The following GRAMD1B variants were observed in gnomAD, a reference collection of about 807,000 sequenced individuals.
The protein encoded by GRAMD1B is protein Aster-B.
Under a neutral mutation model 99.7 loss-of-function variants are expected in GRAMD1B, and 37 were observed. The observed-to-expected ratio is 0.37, with a 90% CI of 0.29 to 0.49. GRAMD1B has a LOEUF of 0.49. Ranked by LOEUF, GRAMD1B falls within the 20% of genes least tolerant of loss-of-function variation. GRAMD1B has a pLI of 0.98. For synonymous variants in GRAMD1B, 427 were observed against 387.6 expected, an observed-to-expected ratio of 1.10 and a Z score of -1.19; for missense variants, 888 against 1,009.2, an observed-to-expected ratio of 0.88 and a Z score of 1.63.
At chr11:123,390,530 A>G (rs747549087) in intron 1 of GRAMD1B, among the ~76,000 whole-genome samples, 4 of 152,232 alleles carry the variant, frequency 2.6e-5, no homozygotes, top group African/African-American at 9.6e-5. Flanking sequence ...ATGAATTTTC[A>G]CTACTGTTAT....
At chr11:123,398,627 G>A (rs181629236) in intron 1 of GRAMD1B, among the ~76,000 whole-genome samples, 2 of 152,240 alleles carry the variant, frequency 1.3e-5, no homozygotes, top group Middle Eastern at 3.4e-3. Flanking sequence ...ATTTTAATAG[G>A]TGTGTAGTGG....
At chr11:123,618,228 T>G in intron 17 of GRAMD1B, 1 of 809,704 alleles carries the variant, frequency 1.2e-6, no homozygotes, top group Non-Finnish European at 2.1e-6. Context: ...CTAGTATTTT[T>G]TTCTCATATA....
intron 7 of GRAMD1B, among the ~76,000 whole-genome samples, chr11:123,596,280 C>T (rs1264676284): frequency 6.6e-6 from 1 of 152,200 alleles, no homozygotes; most frequent in African/African-American, 2.4e-5. Context: ...AGTCCATCGA[C>T]AGTAAGCGTG....
intron 2 of GRAMD1B, among the ~76,000 whole-genome samples, chr11:123,551,551 A>G (rs1048458577): frequency 6.6e-6 from 1 of 152,216 alleles, no homozygotes; most frequent in African/African-American, 2.4e-5. Flanking sequence ...GGGGCAGACC[A>G]TGTCCAAAAC....
chr11:123,374,772 C>T (rs1193096414), intron 1 of GRAMD1B, among the ~76,000 whole-genome samples: 1 of 152,148 alleles, frequency 6.6e-6, no homozygotes, highest in Non-Finnish European at 1.5e-5. Flanking sequence ...GAGAAGCAAT[C>T]CTAGGAATGA....
chr11:123,578,337 T>C (rs1469334087), intron 3 of GRAMD1B: 4 of 1,290,376 alleles, frequency 3.1e-6, no homozygotes, highest in African/African-American at 2.9e-5. Flanking sequence ...AATTTGTCTT[T>C]TGATTTCTTG....
At chr11:123,586,254 A>G (rs1381727740) in intron 4 of GRAMD1B, among the ~76,000 whole-genome samples, 4 of 152,042 alleles carry the variant, frequency 2.6e-5, no homozygotes, top group African/African-American at 9.7e-5. Context: ...CTGCTTTCTG[A>G]TGGTTCCACC....
At chr11:123,452,587 G>C (rs184119085) in intron 1 of GRAMD1B, among the ~76,000 whole-genome samples, 1 of 152,056 alleles carries the variant, frequency 6.6e-6, no homozygotes, top group South Asian at 2.1e-4. Context: ...TGGAGGTTGC[G>C]GTGAGCCAAG....
chr11:123,578,219 G>T (rs982527303), intron 3 of GRAMD1B, among the ~76,000 whole-genome samples: 2 of 152,132 alleles, frequency 1.3e-5, no homozygotes, highest in African/African-American at 4.8e-5. Flanking sequence ...AGCAGGAGAT[G>T]TCTTTGCCCA....
rs556431659 is a variant in GRAMD1B, at chr11:123,468,211, G to C, written c.375-12605G>C. 3.8e-4 allele frequency among the ~76,000 whole-genome samples: 58 copies of C among 152,168 alleles called. 1 individual carries two copies. The highest frequency in any genetic ancestry group is 7.1e-4 in the Non-Finnish European group (48 of 68,018). ...TCAAAAAGTATGCACAAGGAAGGAA[G>C]GTGCAATCTGTGCTGATTTGAGAGT... is the stretch of plus-strand genomic sequence containing the variant. On this transcript the variant is annotated intron_variant, in intron 1 of 19. Coordinates refer to ENST00000635736, the MANE Select transcript of GRAMD1B (RefSeq NM_001387025.1).
intron 2 of GRAMD1B, among the ~76,000 whole-genome samples, chr11:123,526,442 T>C (rs1316004871): frequency 6.6e-6 from 1 of 152,166 alleles, no homozygotes; most frequent in Non-Finnish European, 1.5e-5. Flanking sequence ...GCTAAAACGT[T>C]CTCCAACTTC....
intron 2 of GRAMD1B, among the ~76,000 whole-genome samples, chr11:123,552,239 A>T (rs1301107007): frequency 6.6e-6 from 1 of 150,934 alleles, no homozygotes; most frequent in Non-Finnish European, 1.5e-5. Flanking sequence ...AATATCACCA[A>T]ATTTACCTAC....
intron 1 of GRAMD1B, among the ~76,000 whole-genome samples, chr11:123,376,528 A>G (rs935508076): frequency 3.9e-5 from 6 of 152,220 alleles, no homozygotes; most frequent in African/African-American, 1.4e-4. Context: ...GAATTCTGAT[A>G]CAGACAATCG....
At chr11:123,494,965 A>C (rs1939063325) in intron 2 of GRAMD1B, among the ~76,000 whole-genome samples, 1 of 152,146 alleles carries the variant, frequency 6.6e-6, no homozygotes, top group Non-Finnish European at 1.5e-5. Flanking sequence ...CTCACTGATT[A>C]ATCATGTAAG....
chr11:123,597,381 T>G (rs1451159948), intron 7 of GRAMD1B, among the ~76,000 whole-genome samples: 1 of 147,718 alleles, frequency 6.8e-6, no homozygotes, highest in African/African-American at 2.5e-5. Flanking sequence ...CACAAGCCAC[T>G]GCACCCAGCT....
intron 7 of GRAMD1B, among the ~76,000 whole-genome samples, chr11:123,596,457 T>C (rs1951284748): frequency 6.6e-6 from 1 of 152,266 alleles, no homozygotes; most frequent in Non-Finnish European, 1.5e-5. Context: ...TAGCTGATTA[T>C]CTCTCAAGAG....
intron 1 of GRAMD1B, among the ~76,000 whole-genome samples, chr11:123,405,429 G>A (rs563640657): frequency 1.3e-5 from 2 of 152,288 alleles, no homozygotes; most frequent in Non-Finnish European, 2.9e-5. Flanking sequence ...GCCAGCGGGA[G>A]ATAAAGACTT....
At chr11:123,419,361 G>T (rs1289503009) in intron 1 of GRAMD1B, among the ~76,000 whole-genome samples, 1 of 152,172 alleles carries the variant, frequency 6.6e-6, no homozygotes, top group African/African-American at 2.4e-5. Context: ...TGGACATGGT[G>T]GTTCATGCCT....
intron 1 of GRAMD1B, among the ~76,000 whole-genome samples, chr11:123,399,490 A>AT (rs573313539): frequency 3.3e-5 from 5 of 151,730 alleles, no homozygotes; most frequent in African/African-American, 4.8e-5. Context: ...TTATTTATTT[A>AT]TTTTTTTTGG....
Sources: allele counts gnomAD v4.1 joint callset (sites outside exome capture counted in the v4.1 genomes callset), GRCh38; gene constraint gnomAD v4.1.1; transcripts MANE v1.5; gene names NCBI Gene and HGNC (gene_info 2026-07-23, HGNC 2026-07-21).